Variants in MYO16 observed in about 807,000 individuals in gnomAD.
MYO16 encodes the protein myosin XVI.
A neutral mutation model predicts 205.3 loss-of-function variants in MYO16; 94 were observed. That is an observed-to-expected ratio of 0.46 (90% confidence interval 0.39 to 0.54). MYO16 has a LOEUF of 0.54. Among genes scored for constraint, MYO16 ranks in the 20% least tolerant of loss-of-function variants. The pLI is 0.00. For missense variants in MYO16, 2,315 were observed against 2,387.5 expected, an observed-to-expected ratio of 0.97 and a Z score of 0.63; for synonymous variants, 988 against 954.0, an observed-to-expected ratio of 1.04 and a Z score of -0.66.
At chr13:109,021,454 G>A (rs929820599) in intron 23 of MYO16, among the ~76,000 whole-genome samples, 1 of 152,108 alleles carries the variant, frequency 6.6e-6, no homozygotes, top group African/African-American at 2.4e-5. Flanking sequence ...TCATCTTCAC[G>A]GAGGCTCACC....
chr13:108,634,854 C>T (rs192566534), intron 1 of MYO16, among the ~76,000 whole-genome samples: 152 of 152,308 alleles, frequency 1.0e-3, no homozygotes, highest in African/African-American at 3.0e-3. Flanking sequence ...CATCCATTCT[C>T]ATGGCTTTAA....
intron 6 of MYO16, among the ~76,000 whole-genome samples, chr13:108,795,410 A>C (rs187684603): frequency 6.6e-6 from 1 of 151,982 alleles, no homozygotes; most frequent in Non-Finnish European, 1.5e-5. Context: ...GGGTTTCACC[A>C]TGTTAGCCAG....
chr13:108,962,666 T>C (rs546815058), intron 19 of MYO16, among the ~76,000 whole-genome samples, 171 bp downstream of exon 19: 5 of 152,286 alleles, frequency 3.3e-5, no homozygotes, highest in African/African-American at 7.2e-5. Flanking sequence ...GTAGACTCTT[T>C]ATGCTCCTGA....
At chr13:108,957,413 A>T (rs1464847201) in intron 16 of MYO16, among the ~76,000 whole-genome samples, 1 of 150,244 alleles carries the variant, frequency 6.7e-6, no homozygotes, top group Non-Finnish European at 1.5e-5. Flanking sequence ...AAAAACATGA[A>T]TCACTTGTGA....
intron 1 of MYO16, among the ~76,000 whole-genome samples, chr13:108,652,387 C>T (rs2139404079): frequency 6.6e-6 from 1 of 152,304 alleles, no homozygotes; most frequent in East Asian, 1.9e-4. Context: ...TGTGTCTTAT[C>T]ACTTTCTTTC....
At chr13:108,960,801 T>A (rs986088672) in intron 17 of MYO16, among the ~76,000 whole-genome samples, 1 of 152,238 alleles carries the variant, frequency 6.6e-6, no homozygotes, top group African/African-American at 2.4e-5. Context: ...TTTTTCATTC[T>A]TGCCAAAAAA....
At chr13:108,577,545 A>G in the MYO16 span, among the ~76,000 whole-genome samples, 5 of 152,130 alleles carry the variant, frequency 3.3e-5, no homozygotes, top group Non-Finnish European at 7.4e-5. Context: ...TCCTGCCAGC[A>G]TCAATTCTGC....
chr13:108,753,964 C>T (rs527254063), intron 4 of MYO16, among the ~76,000 whole-genome samples: 2 of 152,308 alleles, frequency 1.3e-5, no homozygotes, highest in South Asian at 2.1e-4. Flanking sequence ...CACCTTATCA[C>T]GTCACCTGCA....
At chr13:108,538,690 T>C in the MYO16 span, among the ~76,000 whole-genome samples, 1 of 152,078 alleles carries the variant, frequency 6.6e-6, no homozygotes, top group Admixed American at 6.6e-5. Flanking sequence ...TCCCTCCAAC[T>C]TCACTCTGAA....
chr13:109,179,404 G>A (rs1349644194), intron 33 of MYO16, 138 bp from the exon 34 acceptor site: 11 of 622,468 alleles, frequency 1.8e-5, no homozygotes, highest in Non-Finnish European at 8.8e-6. Context: ...GCAAAATTTA[G>A]TATTTAGTTT....
At chr13:109,006,255 T>C (rs530112695) in intron 21 of MYO16, among the ~76,000 whole-genome samples, 1 of 152,316 alleles carries the variant, frequency 6.6e-6, no homozygotes, top group East Asian at 1.9e-4. Flanking sequence ...TATTTATTTA[T>C]TTGAGACGGA....
chr13:108,909,815 C>G (rs982920821), intron 15 of MYO16, among the ~76,000 whole-genome samples, 188 bp from the exon 16 acceptor site: 1 of 152,048 alleles, frequency 6.6e-6, no homozygotes, highest in Non-Finnish European at 1.5e-5. Flanking sequence ...TCCCCTTAAA[C>G]CATGTCTTTT....
At chr13:108,972,280 T>TATATATA (rs57199843) in intron 20 of MYO16, among the ~76,000 whole-genome samples, 3 of 73,856 alleles carry the variant, frequency 4.1e-5, no homozygotes, top group Non-Finnish European at 7.8e-5. Flanking sequence ...TATATATATA[T>TATATATA]TTACCAGCCA....
the MYO16 span, among the ~76,000 whole-genome samples, chr13:108,510,469 T>TTTTG: frequency 6.2e-5 from 8 of 129,886 alleles, 1 homozygote; most frequent in South Asian, 1.6e-3. Flanking sequence ...CTGTTTTTTT[T>TTTTG]TTTTTTTTTT....
At chr13:108,581,750 G>A in the MYO16 span, among the ~76,000 whole-genome samples, 1 of 151,894 alleles carries the variant, frequency 6.6e-6, no homozygotes, top group African/African-American at 2.4e-5. Flanking sequence ...GCCAGGCATG[G>A]TGGTGGGCAC....
At chr13:108,832,145 T>TA (rs1876656075) in intron 9 of MYO16, among the ~76,000 whole-genome samples, 1 of 2,628 alleles carries the variant, frequency 3.8e-4, no homozygotes, top group Non-Finnish European at 5.4e-3. Context: ...TCCGTATGGA[T>TA]TTTTTTTTTT....
intron 27 of MYO16, among the ~76,000 whole-genome samples, chr13:109,062,103 T>A (rs1887611902): frequency 6.6e-6 from 1 of 151,874 alleles, no homozygotes; most frequent in South Asian, 2.1e-4. Flanking sequence ...AGAGATATCA[T>A]AAAATTAGAA....
At chr13:108,772,064 A>T (rs1230170469) in intron 4 of MYO16, among the ~76,000 whole-genome samples, 1 of 152,176 alleles carries the variant, frequency 6.6e-6, no homozygotes, top group African/African-American at 2.4e-5. Flanking sequence ...TTTGTAAGAG[A>T]TAACCAGGCT....
chr13:108,870,848 A>G (rs559368286), intron 12 of MYO16, among the ~76,000 whole-genome samples: 2 of 152,066 alleles, frequency 1.3e-5, no homozygotes, highest in Non-Finnish European at 2.9e-5. Flanking sequence ...CTTTCCTAAA[A>G]TAAGTATTTG....
Sources: allele counts gnomAD v4.1 joint callset (sites outside exome capture counted in the v4.1 genomes callset), GRCh38; gene constraint gnomAD v4.1.1; transcripts MANE v1.5; gene names NCBI Gene and HGNC (gene_info 2026-07-23, HGNC 2026-07-21).